The following SLC24A2 variants were observed in gnomAD, a reference collection of about 807,000 sequenced individuals.
SLC24A2 encodes solute carrier family 24 member 2, also known as sodium/potassium/calcium exchanger 2.
A neutral mutation model predicts 62.0 loss-of-function variants in SLC24A2; 36 were observed. The observed-to-expected ratio is 0.58, with a 90% CI of 0.44 to 0.77. The LOEUF (loss-of-function observed/expected upper bound fraction) is 0.77. Among genes scored for constraint, SLC24A2 ranks in the 30% least tolerant of loss-of-function variants. The pLI, the probability that SLC24A2 is intolerant of heterozygous loss-of-function variation, is 0.00. For synonymous variants in SLC24A2, 358 were observed against 294.0 expected, an observed-to-expected ratio of 1.22 and a Z score of -2.23; for missense variants, 846 against 817.9, an observed-to-expected ratio of 1.03 and a Z score of -0.42.
the SLC24A2 span, among the ~76,000 whole-genome samples, chr9:20,076,166 C>T: frequency 2.6e-5 from 4 of 151,828 alleles, no homozygotes; most frequent in South Asian, 2.1e-4. Flanking sequence ...TACAGAGGGC[C>T]GGCTACATGA....
At chr9:19,561,643 G>A (rs1835409771) in intron 7 of SLC24A2, among the ~76,000 whole-genome samples, 1 of 151,254 alleles carries the variant, frequency 6.6e-6, no homozygotes, top group Non-Finnish European at 1.5e-5. Context: ...ACCCATCCAG[G>A]ATGGTCTTGA....
At chr9:19,626,311 T>C (rs1421810639) in intron 2 of SLC24A2, among the ~76,000 whole-genome samples, 2 of 152,222 alleles carry the variant, frequency 1.3e-5, no homozygotes, top group Admixed American at 6.5e-5. Flanking sequence ...AGTAAGAGGA[T>C]ACTAACATGT....
intron 2 of SLC24A2, among the ~76,000 whole-genome samples, chr9:19,717,353 C>T (rs982192841): frequency 1.3e-5 from 2 of 151,998 alleles, no homozygotes; most frequent in Non-Finnish European, 2.9e-5. Flanking sequence ...CACAAGTAGC[C>T]CAGTACACTC....
chr9:20,155,317 C>G, the SLC24A2 span, among the ~76,000 whole-genome samples: 1 of 151,696 alleles, frequency 6.6e-6, no homozygotes, highest in Non-Finnish European at 1.5e-5. Context: ...CACCTTTACC[C>G]TCGCCTCCAC....
At chr9:19,644,132 G>T (rs1818577922) in intron 2 of SLC24A2, among the ~76,000 whole-genome samples, 2 of 152,184 alleles carry the variant, frequency 1.3e-5, no homozygotes, top group African/African-American at 4.8e-5. Flanking sequence ...GAAAGGAAAA[G>T]ATTTACATGT....
At chr9:19,797,878 C>A in the SLC24A2 span, among the ~76,000 whole-genome samples, 1 of 152,160 alleles carries the variant, frequency 6.6e-6, no homozygotes, top group Admixed American at 6.5e-5. Flanking sequence ...TATAACTGCA[C>A]CTTTAAGATT....
chr9:19,915,025 T>A, the SLC24A2 span, among the ~76,000 whole-genome samples: 6 of 152,164 alleles, frequency 3.9e-5, no homozygotes, highest in Non-Finnish European at 8.8e-5. Context: ...ATTCACAATG[T>A]CGTACAACTG....
chr9:19,653,722 C>A (rs1818864235), intron 2 of SLC24A2, among the ~76,000 whole-genome samples: 1 of 152,170 alleles, frequency 6.6e-6, no homozygotes. Context: ...GGCCCTGGCA[C>A]AATGCCTGGC....
chr9:19,788,956 T>C lies in SLC24A2; in HGVS notation c.-225A>G. On this transcript the variant is annotated 5_prime_UTR_variant, in exon 1 of 11. Coordinates refer to ENST00000341998, the MANE Select transcript of SLC24A2 (RefSeq NM_020344.4). ...GCCCGCCGCTCCAGTCCGCCGGCCC[T>C]CCGCCTACCCGCTCTGAGGCCCGGG... The C allele has an allele frequency of 7.1e-6, 7 of 984,874 alleles. No individual in the cohort carries two copies. Among genetic ancestry groups the C allele is most frequent in the Non-Finnish European group, 8.4e-6 (7 of 829,500 alleles). The allele number at this position is 984,874 out of a possible 1,614,324, so 61.0% of individuals were successfully genotyped here.
chr9:20,270,587 A>G, the SLC24A2 span, among the ~76,000 whole-genome samples: 1 of 152,196 alleles, frequency 6.6e-6, no homozygotes, highest in Non-Finnish European at 1.5e-5. Flanking sequence ...CCTAAAATAA[A>G]GTGCTTTCCC....
chr9:19,977,086 G>A, the SLC24A2 span, among the ~76,000 whole-genome samples: 7 of 150,556 alleles, frequency 4.6e-5, no homozygotes, highest in Non-Finnish European at 1.0e-4. Context: ...ATCTTTGAAC[G>A]TAGATTCAAA....
At chr9:20,282,522 A>G in the SLC24A2 span, among the ~76,000 whole-genome samples, 8 of 152,198 alleles carry the variant, frequency 5.3e-5, no homozygotes, top group Non-Finnish European at 7.3e-5. Context: ...AATGCCCCAA[A>G]TCATACTCTA....
At chr9:20,112,734 G>C in the SLC24A2 span, among the ~76,000 whole-genome samples, 1 of 151,984 alleles carries the variant, frequency 6.6e-6, no homozygotes, top group Non-Finnish European at 1.5e-5. Flanking sequence ...GGTTCCTGGG[G>C]ACCCGAGAGG....
chr9:19,570,632 C>T (rs1168237028), intron 7 of SLC24A2, among the ~76,000 whole-genome samples: 1 of 152,182 alleles, frequency 6.6e-6, no homozygotes, highest in Non-Finnish European at 1.5e-5. Flanking sequence ...AATATGAATA[C>T]ATAATATCAA....
At chr9:19,549,795 A>C (rs1206113163) in intron 8 of SLC24A2, among the ~76,000 whole-genome samples, 1 of 152,220 alleles carries the variant, frequency 6.6e-6, no homozygotes, top group Non-Finnish European at 1.5e-5. Flanking sequence ...TGCCCTATTC[A>C]AATTCTTGAT....
chr9:19,665,821 C>CAT (rs770985301), intron 2 of SLC24A2, among the ~76,000 whole-genome samples: 55 of 151,466 alleles, frequency 3.6e-4, no homozygotes, highest in African/African-American at 1.2e-3. Flanking sequence ...AGTGCATTCA[C>CAT]ATATATATAT....
the SLC24A2 span, among the ~76,000 whole-genome samples, chr9:20,096,121 GTCCA>G: frequency 1.4e-3 from 208 of 149,298 alleles, 1 homozygote; most frequent in Non-Finnish European, 2.2e-3. Flanking sequence ...CCGTCCGTCC[GTCCA>G]TCCTATTGAT....
the SLC24A2 span, among the ~76,000 whole-genome samples, chr9:20,093,094 C>T: frequency 1.3e-5 from 2 of 150,792 alleles, no homozygotes; most frequent in Admixed American, 6.6e-5. Flanking sequence ...TTTTTTAGAC[C>T]GAGTTTCGAT....
chr9:19,877,958 A>G, the SLC24A2 span, among the ~76,000 whole-genome samples: 3 of 152,110 alleles, frequency 2.0e-5, no homozygotes, highest in Non-Finnish European at 2.9e-5. Context: ...TTAATTTTTT[A>G]AAGATGTGAA....
Sources: gnomAD v4.1 joint callset for allele counts (sites outside exome capture counted in the v4.1 genomes callset) on GRCh38, gnomAD v4.1.1 for gene constraint, MANE v1.5 for transcripts, NCBI Gene and HGNC (gene_info 2026-07-23, HGNC 2026-07-21) for gene names.